PPP1R9A: variants seen among roughly 807,000 people sequenced by gnomAD.
PPP1R9A encodes the protein neurabin-1.
PPP1R9A carries 59 observed loss-of-function variants against 141.9 expected under a neutral mutation model. The ratio of observed to expected loss-of-function variants is 0.42; its 90% confidence interval spans 0.34 to 0.52. The LOEUF is 0.52. Ranked by LOEUF, PPP1R9A falls within the 20% of genes least tolerant of loss-of-function variation. PPP1R9A has a pLI of 0.10. For synonymous variants in PPP1R9A, 500 were observed against 569.7 expected (o/e 0.88, Z 1.74); for missense variants, 1,444 against 1,611.9 (o/e 0.90, Z 1.78).
intron 3 of PPP1R9A, among the ~76,000 whole-genome samples, chr7:95,112,140 C>T (rs1820680035): frequency 6.6e-6 from 1 of 151,890 alleles, no homozygotes; most frequent in Non-Finnish European, 1.5e-5. Context: ...TAAAAAAAGA[C>T]ATTTGCAAAT....
At chr7:95,255,204 A>G (rs1318212105) in intron 12 of PPP1R9A, among the ~76,000 whole-genome samples, 4 of 152,158 alleles carry the variant, frequency 2.6e-5, no homozygotes, top group African/African-American at 9.7e-5. Context: ...AACAGAGAAT[A>G]GGTATGTTAG....
intron 2 of PPP1R9A, among the ~76,000 whole-genome samples, chr7:95,007,712 G>A (rs1215080724): frequency 6.6e-6 from 1 of 152,120 alleles, no homozygotes. Context: ...GTTAGCTTTA[G>A]GTATCTGTTG....
At chr7:94,919,161 G>A (rs1792452688) in intron 2 of PPP1R9A, among the ~76,000 whole-genome samples, 1 of 152,102 alleles carries the variant, frequency 6.6e-6, no homozygotes, top group Non-Finnish European at 1.5e-5. Context: ...ACAGGGTCTT[G>A]CCCTGTTGCT....
At chr7:95,143,980 C>G (rs143071313) in intron 4 of PPP1R9A, among the ~76,000 whole-genome samples, 1 of 152,102 alleles carries the variant, frequency 6.6e-6, no homozygotes, top group African/African-American at 2.4e-5. Flanking sequence ...TTCATCAGCT[C>G]ACATAGTTAA....
intron 2 of PPP1R9A, among the ~76,000 whole-genome samples, chr7:95,055,265 A>C (rs1444109877): frequency 6.6e-6 from 1 of 152,036 alleles, no homozygotes; most frequent in Non-Finnish European, 1.5e-5. Context: ...AAATATTGCT[A>C]TTTTCCAACC....
chr7:94,987,766 A>T (rs1057513959), intron 2 of PPP1R9A, among the ~76,000 whole-genome samples: 1 of 152,106 alleles, frequency 6.6e-6, no homozygotes, highest in Non-Finnish European at 1.5e-5. Flanking sequence ...TTCTTTTGAA[A>T]ACATGTTTAG....
At chr7:95,190,072 G>C (rs779361813) in intron 5 of PPP1R9A, among the ~76,000 whole-genome samples, 7 of 152,004 alleles carry the variant, frequency 4.6e-5, no homozygotes, top group African/African-American at 9.7e-5. Flanking sequence ...TTCTTGGTTT[G>C]GATCCCTTGC....
rs564314399 is a variant in PPP1R9A, at chr7:95,080,363, C to T, written c.1396-30896C>T. Among the ~76,000 whole-genome samples, 1,294 of 151,746 alleles carry T rather than the reference C, an allele frequency of 8.5e-3. 11 individuals are homozygous for T. Among genetic ancestry groups the T allele is most frequent in the Non-Finnish European group, 0.013 (899 of 67,800 alleles). On this transcript the variant is annotated intron_variant, in intron 2 of 19. Transcript: ENST00000433360. ...AATTGCTTCAAAGAGAATAAAATAC[C>T]TAGGAATCCAACTTACAAGGGACGT...
chr7:95,259,506 T>C (rs1563515967), intron 12 of PPP1R9A, among the ~76,000 whole-genome samples: 1 of 152,188 alleles, frequency 6.6e-6, no homozygotes, highest in African/African-American at 2.4e-5. Context: ...CCTAAGGTCA[T>C]TGGACTCCTC....
chr7:95,194,105 A>G (rs1011755960), intron 5 of PPP1R9A, among the ~76,000 whole-genome samples: 1 of 152,026 alleles, frequency 6.6e-6, no homozygotes, highest in East Asian at 1.9e-4. Flanking sequence ...ATGCTACTCT[A>G]TGATGCATTT....
At position 95,293,052 on chromosome 7, in the gene PPP1R9A, T is replaced by C. The variant is rs1585674073; in HGVS notation, c.*2749T>C. On this transcript the variant is annotated 3_prime_UTR_variant, in exon 20 of 20. Transcript: ENST00000433360. ...AAGGGAATATCTGGTTGCTATGAAC[T>C]GATTCCCTAAAGGAGAGCTCAGTAT... is the stretch of plus-strand genomic sequence containing the variant. The C allele has an allele frequency of 6.6e-6, 1 of 152,294 alleles. No homozygotes were observed. The highest frequency in any genetic ancestry group is 1.9e-4 in the East Asian group (1 of 5,178). 9.4% of individuals were successfully genotyped at this position (152,294 alleles called of 1,614,324 possible). A position where few individuals can be genotyped will look rare whatever the true frequency, so the allele number is the denominator to read the frequency against.
chr7:95,085,979 G>A (rs1004933365), intron 2 of PPP1R9A, among the ~76,000 whole-genome samples: 2 of 151,720 alleles, frequency 1.3e-5, no homozygotes, highest in African/African-American at 2.4e-5. Context: ...TCTGTATGAC[G>A]TGAGGTAGGG....
chr7:95,010,236 G>GATAATA, intron 2 of PPP1R9A, among the ~76,000 whole-genome samples: 1 of 151,958 alleles, frequency 6.6e-6, no homozygotes, highest in Non-Finnish European at 1.5e-5. Context: ...TACAAATAAT[G>GATAATA]ATAATAATAA....
intron 2 of PPP1R9A, among the ~76,000 whole-genome samples, chr7:95,019,762 G>A (rs990584497): frequency 6.6e-5 from 10 of 151,884 alleles, no homozygotes; most frequent in African/African-American, 2.2e-4. Context: ...TATATATATC[G>A]CTGAAGTAAA....
intron 12 of PPP1R9A, among the ~76,000 whole-genome samples, chr7:95,263,890 C>T (rs1285503054): frequency 6.6e-6 from 1 of 152,134 alleles, no homozygotes; most frequent in Non-Finnish European, 1.5e-5. Context: ...TTATTACATA[C>T]CACTCTTCTA....
chr7:95,163,940 G>A (rs904017064), intron 5 of PPP1R9A, among the ~76,000 whole-genome samples: 9 of 152,146 alleles, frequency 5.9e-5, no homozygotes, highest in Non-Finnish European at 5.9e-5. Context: ...GTTTTGCCCT[G>A]TTGGCCAGGC....
intron 2 of PPP1R9A, among the ~76,000 whole-genome samples, chr7:95,064,849 TA>T (rs1414368748): frequency 6.6e-6 from 1 of 152,236 alleles, no homozygotes; most frequent in African/African-American, 2.4e-5. Flanking sequence ...TATAACATAT[TA>T]AAATGACTTT....
At chr7:95,155,054 A>C (rs1258081091) in intron 4 of PPP1R9A, 1 of 152,166 alleles carries the variant, frequency 6.6e-6, no homozygotes, top group Non-Finnish European at 1.5e-5. Flanking sequence ...AGTGGAAACT[A>C]TATCCAGAAC....
chr7:95,072,637 A>T (rs1245908990), intron 2 of PPP1R9A, among the ~76,000 whole-genome samples: 1 of 126,514 alleles, frequency 7.9e-6, no homozygotes, highest in Non-Finnish European at 1.6e-5. Context: ...GAAATTTTAT[A>T]ATATATAATA....
Sources: gnomAD v4.1 joint callset for allele counts (sites outside exome capture counted in the v4.1 genomes callset) on GRCh38, gnomAD v4.1.1 for gene constraint, MANE v1.5 for transcripts, NCBI Gene and HGNC (gene_info 2026-07-23, HGNC 2026-07-21) for gene names.